STAG2: variants seen among roughly 807,000 people sequenced by gnomAD.
The protein encoded by STAG2 is cohesin subunit SA-2.
A neutral mutation model predicts 108.1 loss-of-function variants in STAG2; 14 were observed. The observed-to-expected ratio is 0.13, with a 90% CI of 0.09 to 0.20. The LOEUF (loss-of-function observed/expected upper bound fraction) is 0.20, where lower values mean the gene tolerates loss of function less well. Ranked by LOEUF, STAG2 falls within the 10% of genes least tolerant of loss-of-function variation. STAG2 has a pLI of 1.00. For synonymous variants in STAG2, 307 were observed against 302.7 expected, an observed-to-expected ratio of 1.01 and a Z score of -0.15; for missense variants, 440 against 940.9, an observed-to-expected ratio of 0.47 and a Z score of 6.96.
rs754492522 is a variant in STAG2, at chrX:124,060,360, A to G, written c.1417-864A>G. On this transcript the variant is annotated intron_variant, in intron 15 of 34. Coordinates refer to ENST00000371145, the MANE Select transcript of STAG2 (RefSeq NM_001042750.2). ...AGGCTGGTCTCGAACTCCTGACCTC[A>G]GGTGATCTGCCTGCCTCGGCCTCCC... 2.7e-5 allele frequency among the ~76,000 whole-genome samples: 3 copies of G among 112,201 alleles called. No individual in the cohort carries two copies. The South Asian group carries it at 1.1e-3, about 41-fold the overall frequency.
chrX:123,987,362 C>T (rs748825523), intron 1 of STAG2, among the ~76,000 whole-genome samples: 2 of 110,741 alleles, frequency 1.8e-5, no homozygotes, highest in South Asian at 7.6e-4. Flanking sequence ...GATTCTCCTG[C>T]CTCACCCTCC....
upstream of STAG2, chrX:123,960,602 CAAAAAAAAAAAAAAAAAAAAAAAAA>C (rs1208693829): frequency 5.7e-4 from 4 of 7,012 alleles, no homozygotes; most frequent in Non-Finnish European, 7.2e-4. Context: ...GAAGCGCCAC[CAAAAAAAAAAAAAAAAAAAAAAAAA>C]AAAAAAAAAA....
chrX:123,972,866 CAAAAAAA>C (rs747333406), intron 1 of STAG2, among the ~76,000 whole-genome samples: 1 of 21,934 alleles, frequency 4.6e-5, no homozygotes, highest in Non-Finnish European at 7.3e-5. Flanking sequence ...ACCAAAAATA[CAAAAAAA>C]AAAAAAAAAA....
At chrX:124,061,141 T>A in intron 15 of STAG2, 83 bp from the exon 16 acceptor site, 1 of 654,722 alleles carries the variant, frequency 1.5e-6, no homozygotes, top group Non-Finnish European at 2.3e-6. Flanking sequence ...AGTTTGTAGA[T>A]GATGTCAATA....
chrX:124,033,119 A>G (rs28436725), intron 5 of STAG2, among the ~76,000 whole-genome samples: 1 of 112,380 alleles, frequency 8.9e-6, no homozygotes, highest in African/African-American at 3.2e-5. Context: ...TTGCTTGTAT[A>G]TCATGATTAG....
At chrX:124,007,103 C>T (rs1254586895) in intron 1 of STAG2, among the ~76,000 whole-genome samples, 1 of 108,747 alleles carries the variant, frequency 9.2e-6, no homozygotes, top group Non-Finnish European at 1.9e-5. Flanking sequence ...TGGGCTCAAG[C>T]GATCTCTCTC....
At chrX:123,998,892 G>T (rs142084795) in intron 1 of STAG2, among the ~76,000 whole-genome samples, 1 of 111,282 alleles carries the variant, frequency 9.0e-6, no homozygotes, top group East Asian at 2.8e-4. Flanking sequence ...GGCCAAGGCC[G>T]GGAGTATCAC....
In STAG2 at chrX:123,999,917, G is replaced by GT. The variant is rs1227997327; in HGVS notation, c.-162-21435dup. 8.0e-3 allele frequency among the ~76,000 whole-genome samples: 811 copies of GT among 101,866 alleles called. 6 individuals are homozygous for GT. Among genetic ancestry groups the GT allele is most frequent in the African/African-American group, 0.022 (610 of 27,952 alleles). The allele number at this position is 101,866 out of a possible 115,157, so 88.5% of individuals were successfully genotyped here. A position where few individuals can be genotyped will look rare whatever the true frequency, so the allele number is the denominator to read the frequency against. ...CTGTGAGCCACCCTGCCCGGCCATA[G>GT]TTTTTTTTTTTTTTTATTTTTTGTA... On this transcript the variant is annotated intron_variant, in intron 1 of 34. Transcript: ENST00000371145.
intron 34 of STAG2, 103 bp from the exon 35 acceptor site, chrX:124,100,471 C>T: frequency 1.4e-6 from 1 of 697,852 alleles, no homozygotes; most frequent in Non-Finnish European, 2.2e-6. Flanking sequence ...GTTTTATTAG[C>T]ATGTTATTTA....
intron 1 of STAG2, among the ~76,000 whole-genome samples, chrX:123,977,517 G>A (rs930977677): frequency 9.0e-6 from 1 of 110,878 alleles, no homozygotes; most frequent in African/African-American, 3.3e-5. Flanking sequence ...TTTTGATGGC[G>A]ATTTCCTTAT....
At chrX:123,984,849 G>A (rs1461697357) in intron 1 of STAG2, among the ~76,000 whole-genome samples, 3 of 111,034 alleles carry the variant, frequency 2.7e-5, no homozygotes, top group Admixed American at 9.6e-5. Flanking sequence ...ATGTTGCTCA[G>A]GCTGGTCTCG....
chrX:123,988,481 C>T (rs1465591827), intron 1 of STAG2, among the ~76,000 whole-genome samples: 1 of 110,620 alleles, frequency 9.0e-6, no homozygotes, highest in African/African-American at 3.3e-5. Context: ...ATATATGTTC[C>T]ATTGCAGTAT....
At position 124,083,408 on chromosome X, in the gene STAG2, T is replaced by G; in HGVS notation, c.2925-13T>G. ...AAATATTTATTTCAATTATTTTTTGTTTTCCTTTGCAGAGATGGCATAGAA... is the reference window on the plus strand; with the variant it reads ...AAATATTTATTTCAATTATTTTTTGGTTTCCTTTGCAGAGATGGCATAGAA... On this transcript the variant is annotated splice_polypyrimidine_tract_variant and intron_variant, in intron 28 of 34. Transcript: ENST00000371145. 1 of 1,140,853 alleles carries G rather than the reference T, an allele frequency of 8.8e-7. No individual in the cohort carries two copies. Among genetic ancestry groups the G allele is most frequent in the Non-Finnish European group, 1.2e-6 (1 of 861,635 alleles). The allele number at this position is 1,140,853 out of a possible 1,213,427, so 94.0% of individuals were successfully genotyped here. A position where few individuals can be genotyped will look rare whatever the true frequency, so the allele number is the denominator to read the frequency against.
intron 1 of STAG2, among the ~76,000 whole-genome samples, chrX:124,015,735 A>T (rs768013538): frequency 3.7e-4 from 41 of 112,015 alleles, no homozygotes; most frequent in Non-Finnish European, 7.1e-4. Flanking sequence ...TTGAAGGTAG[A>T]TATTTATGTC....
At position 124,076,326 on chromosome X, in the gene STAG2, C is replaced by T. The variant is rs1603131459; in HGVS notation, c.2534-6C>T. 1 of 1,207,158 alleles carries T rather than the reference C, an allele frequency of 8.3e-7. No homozygotes were observed. ...AGATGCTTAATGTTTGGGACTTTTT[C>T]TCCAGATGGTCAGCAAGAGGATGAA... On this transcript the variant is annotated splice_region_variant and splice_polypyrimidine_tract_variant and intron_variant, in intron 25 of 34. Coordinates refer to ENST00000371145, the MANE Select transcript of STAG2 (RefSeq NM_001042750.2).
At chrX:124,047,978 C>T (rs1241168256) in intron 9 of STAG2, among the ~76,000 whole-genome samples, 2 of 112,301 alleles carry the variant, frequency 1.8e-5, no homozygotes, top group Admixed American at 9.4e-5. Flanking sequence ...ATAATTTTTT[C>T]AGCCTTATGC....
At chrX:124,042,711 T>G in intron 7 of STAG2, 66 bp downstream of exon 7, 3 of 843,201 alleles carry the variant, frequency 3.6e-6, no homozygotes, top group Non-Finnish European at 5.3e-6. Context: ...TTTGAAAGTA[T>G]TATTAAATTG....
chrX:123,985,909 G>T (rs1201969212), intron 1 of STAG2, among the ~76,000 whole-genome samples: 2 of 108,947 alleles, frequency 1.8e-5, no homozygotes, highest in Non-Finnish European at 3.8e-5. Context: ...TTGGCCCAGG[G>T]TTACACAATT....
chrX:124,026,478 A>C (rs2057109502), intron 4 of STAG2: 1 of 162,902 alleles, frequency 6.1e-6, no homozygotes, highest in Non-Finnish European at 1.4e-5. Context: ...GCGAATGGCT[A>C]AATTATTTTG....
Sources: allele counts gnomAD v4.1 joint callset (sites outside exome capture counted in the v4.1 genomes callset), GRCh38; gene constraint gnomAD v4.1.1; transcripts MANE v1.5; gene names NCBI Gene and HGNC (gene_info 2026-07-23, HGNC 2026-07-21).